The following RGS7 variants were observed in gnomAD, a reference collection of about 807,000 sequenced individuals.
RGS7 encodes regulator of G-protein signaling 7.
A neutral mutation model predicts 81.1 loss-of-function variants in RGS7; 27 were observed. That is an observed-to-expected ratio of 0.33 (90% CI 0.25 to 0.46). The LOEUF is 0.46. Among genes scored for constraint, RGS7 ranks in the 20% least tolerant of loss-of-function variants. The probability of loss-of-function intolerance (pLI) is 1.00; values close to 1 mark genes in which losing one functional copy is unlikely to be tolerated. For synonymous variants in RGS7, 208 were observed against 207.7 expected, an observed-to-expected ratio of 1.00 and a Z score of -0.01; for missense variants, 396 against 607.4, an observed-to-expected ratio of 0.65 and a Z score of 3.66.
chr1:240,943,566 T>A (rs1340856608), intron 4 of RGS7, among the ~76,000 whole-genome samples: 1 of 152,210 alleles, frequency 6.6e-6, no homozygotes, highest in Non-Finnish European at 1.5e-5. Context: ...GGTTTCCCAG[T>A]CATGTTAAAC....
chr1:240,961,014 G>C (rs1388423971), intron 4 of RGS7, among the ~76,000 whole-genome samples: 1 of 152,068 alleles, frequency 6.6e-6, no homozygotes, highest in African/African-American at 2.4e-5. Flanking sequence ...AAGGACAAAA[G>C]CTCTGAAAAA....
intron 2 of RGS7, among the ~76,000 whole-genome samples, chr1:241,276,589 T>C (rs984625832): frequency 1.3e-5 from 2 of 152,232 alleles, no homozygotes; most frequent in African/African-American, 4.8e-5. Flanking sequence ...TATGAATCAC[T>C]GCAAGCATCC....
intron 9 of RGS7, among the ~76,000 whole-genome samples, chr1:240,849,139 G>T (rs1454350751): frequency 6.6e-6 from 1 of 152,098 alleles, no homozygotes; most frequent in Non-Finnish European, 1.5e-5. Flanking sequence ...ATTCTATCAT[G>T]TGGTGTGAGA....
chr1:241,081,392 A>G (rs572202546), intron 3 of RGS7, among the ~76,000 whole-genome samples: 1 of 152,226 alleles, frequency 6.6e-6, no homozygotes, highest in South Asian at 2.1e-4. Context: ...AAACTTCCAG[A>G]AAGTTGTTTG....
At chr1:241,143,163 T>C (rs892246461) in intron 2 of RGS7, among the ~76,000 whole-genome samples, 3 of 152,208 alleles carry the variant, frequency 2.0e-5, no homozygotes, top group South Asian at 4.1e-4. Context: ...AACAAGTCTC[T>C]AGGGAGTTCC....
At chr1:240,899,839 C>G (rs548166786) in intron 6 of RGS7, among the ~76,000 whole-genome samples, 1 of 152,282 alleles carries the variant, frequency 6.6e-6, no homozygotes, top group African/African-American at 2.4e-5. Context: ...GCCTGCCTTG[C>G]TAGGTAGGTG....
intron 2 of RGS7, among the ~76,000 whole-genome samples, chr1:241,150,344 T>A (rs1394939746): frequency 1.3e-5 from 2 of 152,172 alleles, no homozygotes; most frequent in Non-Finnish European, 2.9e-5. Context: ...AATAAAAACA[T>A]TAAAATAGAA....
chr1:240,945,725 G>T (rs189433889), intron 4 of RGS7, among the ~76,000 whole-genome samples: 1 of 152,320 alleles, frequency 6.6e-6, no homozygotes, highest in East Asian at 1.9e-4. Context: ...ACAAATGCTT[G>T]AATTGAGAAA....
At chr1:240,866,193 C>T (rs974848047) in intron 9 of RGS7, among the ~76,000 whole-genome samples, 2 of 152,282 alleles carry the variant, frequency 1.3e-5, no homozygotes, top group African/African-American at 4.8e-5. Flanking sequence ...TCATGACAAC[C>T]CGAAGCTCTA....
In RGS7 at chr1:240,813,785, T is replaced by A. The variant is rs549589322; in HGVS notation, c.846-57A>T. On this transcript the variant is annotated intron_variant, in intron 12 of 18. Coordinates refer to ENST00000440928, the MANE Select transcript of RGS7 (RefSeq NM_001364886.1). ...GTTTTCTGACTGGGGTTGCAGCCAG[T>A]CCAAAGCAGGGAAAACAATATAAAA... The A allele has an allele frequency of 2.0e-5, 22 of 1,103,412 alleles. No homozygotes were observed. The African/African-American group carries it at 3.2e-4, about 16-fold the overall frequency. 68.4% of individuals were successfully genotyped at this position (1,103,412 alleles called of 1,614,324 possible). A position where few individuals can be genotyped will look rare whatever the true frequency, so the allele number is the denominator to read the frequency against.
chr1:241,325,909 AC>A lies in RGS7; in HGVS notation c.78+29789del, dbSNP rs1380861167. On this transcript the variant is annotated intron_variant, in intron 2 of 18. Coordinates refer to ENST00000440928, the MANE Select transcript of RGS7 (RefSeq NM_001364886.1). ...CAGGCAAACAGGATGACTTGGAACA[AC>A]CGTTACATTTTTTCTTTTTTTTCAC... is the stretch of plus-strand genomic sequence containing the variant. 2.6e-5 allele frequency among the ~76,000 whole-genome samples: 4 copies of A among 152,232 alleles called. No homozygotes were observed. In the East Asian group the frequency reaches 7.7e-4, roughly 29 times the overall value.
chr1:241,038,993 AG>A, intron 3 of RGS7, among the ~76,000 whole-genome samples: 1 of 152,096 alleles, frequency 6.6e-6, no homozygotes, highest in Non-Finnish European at 1.5e-5. Context: ...AAAAAAGAAA[AG>A]GAAAAGAAAA....
At chr1:240,848,081 A>G (rs997333191) in intron 9 of RGS7, among the ~76,000 whole-genome samples, 1 of 152,218 alleles carries the variant, frequency 6.6e-6, no homozygotes. Flanking sequence ...AATTATTTCC[A>G]TAAAGATCGG....
At chr1:240,998,775 A>C in intron 3 of RGS7, 1 of 706,342 alleles carries the variant, frequency 1.4e-6, no homozygotes, top group Non-Finnish European at 2.6e-6. Flanking sequence ...GATGCAGGCG[A>C]GCTGGGAGAC....
chr1:241,193,501 C>A (rs982798280), intron 2 of RGS7, among the ~76,000 whole-genome samples: 1 of 152,234 alleles, frequency 6.6e-6, no homozygotes, highest in Non-Finnish European at 1.5e-5. Flanking sequence ...TATTATCAAT[C>A]AATTCATCCT....
At chr1:240,827,952 G>A (rs1187762078) in intron 9 of RGS7, among the ~76,000 whole-genome samples, 3 of 149,358 alleles carry the variant, frequency 2.0e-5, no homozygotes, top group African/African-American at 7.4e-5. Flanking sequence ...GCATTTAGTT[G>A]AGCCAGCTCA....
intron 2 of RGS7, among the ~76,000 whole-genome samples, chr1:241,199,435 T>C (rs538808608): frequency 2.0e-5 from 3 of 152,052 alleles, no homozygotes; most frequent in African/African-American, 7.2e-5. Flanking sequence ...AAAAAAGGAC[T>C]TTATTTATTT....
intron 2 of RGS7, among the ~76,000 whole-genome samples, chr1:241,294,295 G>A (rs541540553): frequency 6.6e-6 from 1 of 151,772 alleles, no homozygotes; most frequent in South Asian, 2.1e-4. Flanking sequence ...TGTCGGGGGT[G>A]GGGGGCAAGA....
intron 2 of RGS7, among the ~76,000 whole-genome samples, chr1:241,128,793 A>AAC (rs938790488): frequency 6.6e-6 from 1 of 150,818 alleles, no homozygotes; most frequent in Non-Finnish European, 1.5e-5. Flanking sequence ...AAAAAAAAAA[A>AAC]AAAAAACTCT....
Sources: allele counts gnomAD v4.1 joint callset (sites outside exome capture counted in the v4.1 genomes callset), GRCh38; gene constraint gnomAD v4.1.1; transcripts MANE v1.5; gene names NCBI Gene and HGNC (gene_info 2026-07-23, HGNC 2026-07-21).